Variants in ZNF385B observed in about 807,000 individuals in gnomAD.
The protein encoded by ZNF385B is zinc finger protein 385B, also known as zinc finger protein 533.
In ZNF385B, 23 loss-of-function variants were observed where a neutral mutation model predicts 39.2. The observed-to-expected ratio is 0.59, with a 90% CI of 0.42 to 0.83. The LOEUF is 0.83. Ranked by LOEUF, ZNF385B falls within the 40% of genes least tolerant of loss-of-function variation. ZNF385B has a pLI of 0.00. For missense variants in ZNF385B, 552 were observed against 598.9 expected, an observed-to-expected ratio of 0.92 and a Z score of 0.82; for synonymous variants, 205 against 222.6, an observed-to-expected ratio of 0.92 and a Z score of 0.70.
At chr2:179,691,623 A>T (rs1345470450) in intron 3 of ZNF385B, among the ~76,000 whole-genome samples, 2 of 152,194 alleles carry the variant, frequency 1.3e-5, no homozygotes, top group Non-Finnish European at 2.9e-5. Flanking sequence ...ATCTCTACTT[A>T]CTAAAAAGTA....
At chr2:179,786,919 C>T (rs1705041122) in intron 1 of ZNF385B, among the ~76,000 whole-genome samples, 1 of 152,052 alleles carries the variant, frequency 6.6e-6, no homozygotes, top group South Asian at 2.1e-4. Flanking sequence ...TTCTTACTCT[C>T]ACAATACTGA....
At chr2:179,848,767 C>A (rs138824202) in intron 1 of ZNF385B, among the ~76,000 whole-genome samples, 2 of 152,268 alleles carry the variant, frequency 1.3e-5, no homozygotes, top group East Asian at 1.9e-4. Context: ...CAGGAAGAAC[C>A]TTGACTGTCC....
intron 1 of ZNF385B, among the ~76,000 whole-genome samples, chr2:179,822,525 C>A (rs1707459333): frequency 2.0e-5 from 3 of 152,102 alleles, no homozygotes; most frequent in Admixed American, 1.3e-4. Context: ...CTGATGGAGT[C>A]CTGCACTCAC....
intron 3 of ZNF385B, among the ~76,000 whole-genome samples, chr2:179,730,009 T>C (rs757684348): frequency 1.3e-5 from 2 of 152,232 alleles, no homozygotes; most frequent in African/African-American, 2.4e-5. Flanking sequence ...TGTGTCTTTA[T>C]AGCAGTGCAG....
chr2:179,819,522 G>A (rs1707275157), intron 1 of ZNF385B, among the ~76,000 whole-genome samples: 1 of 152,154 alleles, frequency 6.6e-6, no homozygotes, highest in Admixed American at 6.5e-5. Flanking sequence ...CCCCTTCCAA[G>A]CCTTGAAACT....
intron 3 of ZNF385B, among the ~76,000 whole-genome samples, chr2:179,662,824 T>G (rs79607343): frequency 3.9e-5 from 6 of 152,302 alleles, no homozygotes; most frequent in African/African-American, 1.4e-4. Context: ...TTTGATAAAC[T>G]TTTTCTAGTT....
intron 1 of ZNF385B, among the ~76,000 whole-genome samples, chr2:179,853,076 C>T (rs1233999235): frequency 6.6e-6 from 1 of 152,146 alleles, no homozygotes; most frequent in African/African-American, 2.4e-5. Flanking sequence ...CTTTGGTAAT[C>T]CTCCCCATAG....
intron 3 of ZNF385B, among the ~76,000 whole-genome samples, chr2:179,630,137 G>T (rs1470662612): frequency 1.3e-5 from 2 of 152,272 alleles, no homozygotes; most frequent in Admixed American, 1.3e-4. Context: ...AAATGTCCCT[G>T]TCTGACAGCT....
chr2:179,795,671 G>A (rs780023184), intron 1 of ZNF385B, among the ~76,000 whole-genome samples: 10 of 151,670 alleles, frequency 6.6e-5, no homozygotes, highest in South Asian at 2.1e-4. Context: ...ATTTATTTTC[G>A]CTAATTTCAG....
At chr2:179,543,821 C>G (rs2105904314) in intron 4 of ZNF385B, among the ~76,000 whole-genome samples, 1 of 152,274 alleles carries the variant, frequency 6.6e-6, no homozygotes, top group East Asian at 1.9e-4. Flanking sequence ...TGACAGAGGG[C>G]CTGTCAGCAG....
intron 3 of ZNF385B, chr2:179,562,272 T>A: frequency 1.5e-6 from 1 of 666,368 alleles, no homozygotes; most frequent in Non-Finnish European, 1.9e-6. Flanking sequence ...ATTAGCAAAT[T>A]CTATTTGTCT....
intron 6 of ZNF385B, among the ~76,000 whole-genome samples, chr2:179,459,915 C>T: frequency 6.6e-6 from 1 of 151,598 alleles, no homozygotes; most frequent in East Asian, 1.9e-4. Context: ...ACCAGCCTGG[C>T]TAACATGGTG....
At chr2:179,621,635 C>T (rs1198214714) in intron 3 of ZNF385B, among the ~76,000 whole-genome samples, 1 of 152,166 alleles carries the variant, frequency 6.6e-6, no homozygotes, top group Non-Finnish European at 1.5e-5. Context: ...CCCTTTCTCC[C>T]TACCTTCCTT....
At chr2:179,805,738 A>G (rs1190029985) in intron 1 of ZNF385B, among the ~76,000 whole-genome samples, 1 of 152,190 alleles carries the variant, frequency 6.6e-6, no homozygotes, top group East Asian at 1.9e-4. Context: ...GGCATTCAGT[A>G]AGACCTATAT....
At chr2:179,514,514 T>A (rs1574543160) in intron 5 of ZNF385B, among the ~76,000 whole-genome samples, 1 of 152,188 alleles carries the variant, frequency 6.6e-6, no homozygotes, top group Admixed American at 6.5e-5. Context: ...AAAAAGAGTA[T>A]GGGAGCTCGC....
chr2:179,543,838 T>C (rs1002822670), intron 4 of ZNF385B, among the ~76,000 whole-genome samples: 3 of 152,172 alleles, frequency 2.0e-5, no homozygotes, highest in African/African-American at 4.8e-5. Flanking sequence ...GCAGATTTTA[T>C]TGACAATCCT....
At chr2:179,590,814 C>G (rs1187471555) in intron 3 of ZNF385B, among the ~76,000 whole-genome samples, 1 of 152,080 alleles carries the variant, frequency 6.6e-6, no homozygotes, top group Non-Finnish European at 1.5e-5. Flanking sequence ...TGTAAGATGT[C>G]CCTTACACAC....
chr2:179,579,528 GAATA>G (rs1021409301), intron 3 of ZNF385B, among the ~76,000 whole-genome samples: 41 of 152,026 alleles, frequency 2.7e-4, no homozygotes, highest in African/African-American at 9.4e-4. Context: ...GACCAGGCAT[GAATA>G]TATACATGAA....
At chr2:179,634,893 G>A (rs1158377451) in intron 3 of ZNF385B, among the ~76,000 whole-genome samples, 1 of 151,604 alleles carries the variant, frequency 6.6e-6, no homozygotes, top group African/African-American at 2.4e-5. Flanking sequence ...ACTTTGGGAG[G>A]CTGAGGCAGG....
Sources: gnomAD v4.1 joint callset for allele counts (sites outside exome capture counted in the v4.1 genomes callset) on GRCh38, gnomAD v4.1.1 for gene constraint, MANE v1.5 for transcripts, NCBI Gene and HGNC (gene_info 2026-07-23, HGNC 2026-07-21) for gene names.